YIPF2: variants seen among roughly 807,000 people sequenced by gnomAD.
The protein encoded by YIPF2 is Yip1 domain family member 2, also known as protein YIPF2.
A neutral mutation model predicts 38.8 loss-of-function variants in YIPF2; 30 were observed. The observed-to-expected ratio is 0.77, with a 90% CI of 0.58 to 1.05. YIPF2 has a LOEUF of 1.05. Among genes scored for constraint, YIPF2 ranks in the 50% least tolerant of loss-of-function variants. The probability of loss-of-function intolerance (pLI) is 0.00; values close to 1 mark genes in which losing one functional copy is unlikely to be tolerated. For missense variants in YIPF2, 401 were observed against 409.7 expected (o/e 0.98, Z 0.18); for synonymous variants, 194 against 183.8 (o/e 1.06, Z -0.45).
chr19:10,925,903 C>CTT, intron 4 of YIPF2, 130 bp from the exon 5 acceptor site: 8 of 635,732 alleles, frequency 1.3e-5, no homozygotes, highest in South Asian at 8.5e-5. Flanking sequence ...GCCTTTCCCT[C>CTT]TCTTTTTTTT....
intron 7 of YIPF2, 67 bp from the exon 8 acceptor site, chr19:10,923,744 C>A: frequency 6.3e-7 from 1 of 1,578,130 alleles, no homozygotes; most frequent in East Asian, 2.3e-5. Flanking sequence ...TGCACCAGGC[C>A]ACCCTCACCA....
chr19:10,928,231 G>T, intron 2 of YIPF2, 149 bp downstream of exon 2: 1 of 974,414 alleles, frequency 1.0e-6, no homozygotes, highest in Non-Finnish European at 1.4e-6. Context: ...CAGGGCGGGG[G>T]CGGGGTTCGA....
Position 10,927,789 on chromosome 19 carries a change from A to G in YIPF2, c.192+10T>C. On this transcript the variant is annotated intron_variant, in intron 3 of 9. Coordinates refer to ENST00000586748, the MANE Select transcript of YIPF2 (RefSeq NM_001321439.2). ...TGGGGGCTGCAAGGAGGCAGGACAC[A>G]GGGACTCACCGCGGCCTTGTCACTC... is the stretch of plus-strand genomic sequence containing the variant. 6.2e-7 allele frequency: 1 copy of G among 1,608,126 alleles called. No homozygotes were observed. Among genetic ancestry groups the G allele is most frequent in the Non-Finnish European group, 8.5e-7 (1 of 1,177,210 alleles).
At position 10,922,995 on chromosome 19, in the gene YIPF2, C is replaced by T. The variant is rs1033068961; in HGVS notation, c.*199G>A. On this transcript the variant is annotated 3_prime_UTR_variant, in exon 10 of 10. Transcript: ENST00000586748. ...CAGCCCTGTCCCAAAGCTCCCTGCT[C>T]GGCTGCCCCTCGCCCGCCTTTATAT... 2.9e-5 allele frequency: 8 copies of T among 278,492 alleles called. No individual in the cohort carries two copies. The highest frequency in any genetic ancestry group is 1.7e-4 in the Admixed American group (3 of 17,976). 17.3% of individuals were successfully genotyped at this position (278,492 alleles called of 1,614,324 possible). A position where few individuals can be genotyped will look rare whatever the true frequency, so the allele number is the denominator to read the frequency against.
chr19:10,924,548 C>T (rs2083388798), intron 5 of YIPF2, among the ~76,000 whole-genome samples: 1 of 152,158 alleles, frequency 6.6e-6, no homozygotes. Flanking sequence ...CTCCTTCAAG[C>T]CCAGGGCCTT....
intron 2 of YIPF2, 126 bp from the exon 3 acceptor site, chr19:10,928,085 G>C (rs1255789662): frequency 2.2e-6 from 3 of 1,371,754 alleles, no homozygotes; most frequent in Non-Finnish European, 3.0e-6. Context: ...CCCCAAGGTG[G>C]GGCCCAACTT....
rs2074288427 is a variant in YIPF2 at position 10,923,113 on chromosome 19, G to A, written c.*81C>T. The A allele has an allele frequency of 5.2e-6, 3 of 572,796 alleles. No individual in the cohort carries two copies. The highest frequency in any genetic ancestry group is 9.0e-6 in the Non-Finnish European group (3 of 333,242). 35.5% of individuals were successfully genotyped at this position (572,796 alleles called of 1,614,324 possible). On this transcript the variant is annotated 3_prime_UTR_variant, in exon 10 of 10. Coordinates refer to ENST00000586748, the MANE Select transcript of YIPF2 (RefSeq NM_001321439.2). ...GCAGAATCATCTCAAGGTGTCAAAG[G>A]AGCCTTCAGTCATCGTCTGGGGGGC...
At position 10,924,265 on chromosome 19, in the gene YIPF2, G is replaced by A. The variant is rs112837293; in HGVS notation, c.368-73C>T. ...ACAAGCAGACATGTATCCTGACTGA[G>A]CTGTGCTGAGACCCCAGCCTCTTCC... On this transcript the variant is annotated intron_variant, in intron 5 of 9. Transcript: ENST00000586748. The A allele has an allele frequency of 2.1e-3, 2,842 of 1,379,130 alleles. 36 individuals are homozygous for A. The African/African-American group carries it at 0.026, about 13-fold the overall frequency. 85.4% of individuals were successfully genotyped at this position (1,379,130 alleles called of 1,614,324 possible).
In YIPF2 at chr19:10,928,462, G is replaced by A. The variant is rs1048757464; in HGVS notation, c.-30-22C>T. 4 of 1,361,710 alleles carry A rather than the reference G, an allele frequency of 2.9e-6. No homozygotes were observed. The African/African-American group carries it at 6.1e-5, about 21-fold the overall frequency. The allele number at this position is 1,361,710 out of a possible 1,614,324, so 84.4% of individuals were successfully genotyped here. ...CTCGCTGAGGACAGAGACCGGTCAGGCACACTTCCCCCCCGCCCCCGAGCC... is the reference window on the plus strand; with the variant it reads ...CTCGCTGAGGACAGAGACCGGTCAGACACACTTCCCCCCCGCCCCCGAGCC... On this transcript the variant is annotated intron_variant, in intron 1 of 9. Coordinates refer to ENST00000586748, the MANE Select transcript of YIPF2 (RefSeq NM_001321439.2).
At chr19:10,927,477 A>C in intron 4 of YIPF2, 153 bp downstream of exon 4, 1 of 981,630 alleles carries the variant, frequency 1.0e-6, no homozygotes, top group Non-Finnish European at 1.5e-6. Flanking sequence ...GTGTTCCCAT[A>C]GTCCCGATCC....
chr19:10,925,724 A>C lies in YIPF2; in HGVS notation c.329T>G (p.Phe110Cys). The change falls in exon 5 of 10, where the codon TTT (phenylalanine) becomes TGT (cysteine). Residue 110 changes from phenylalanine to cysteine, a missense_variant. Transcript: ENST00000586748. Reference protein sequence around the residue: ...GSLLPRPGHNFVRHHLRNRPD... With the variant: ...GSLLPRPGHNCVRHHLRNRPD... ...CCGATTCCGCAGATGGTGCCGCACA[A>C]AGTTGTGGCCAGGCCGGGGCAGCAG... is the stretch of plus-strand genomic sequence containing the variant. 1 of 1,613,920 alleles carries C rather than the reference A, an allele frequency of 6.2e-7. No homozygotes were observed. Among genetic ancestry groups the C allele is most frequent in the Non-Finnish European group, 8.5e-7 (1 of 1,179,970 alleles).
At chr19:10,927,367 C>T (rs1011034304) in intron 4 of YIPF2, among the ~76,000 whole-genome samples, 3 of 152,158 alleles carry the variant, frequency 2.0e-5, no homozygotes, top group African/African-American at 4.8e-5. Flanking sequence ...CTTCCCTACC[C>T]TATTCCCCAG....
chr19:10,923,507 G>T lies in YIPF2; in HGVS notation c.822C>A (p.Ala274=). The T allele has an allele frequency of 6.2e-7, 1 of 1,612,782 alleles. No homozygotes were observed. Residue 274 remains alanine, a synonymous_variant, in exon 8 of 10, where the codon GCC becomes GCA. Coordinates refer to ENST00000586748, the MANE Select transcript of YIPF2 (RefSeq NM_001321439.2). ...SVVVLLHALL[A]MGCKLYFFQS... is the part of the protein sequence containing the mutation. Reference sequence around the variant, plus strand: ...CCCAGACCCGTACCTTACAGCCCATGGCCAGGAGGGCGTGGAGCAGCACGA... The same window carrying T: ...CCCAGACCCGTACCTTACAGCCCATTGCCAGGAGGGCGTGGAGCAGCACGA...
At chr19:10,925,930 ACAGAGT>A (rs2083418061) in intron 4 of YIPF2, among the ~76,000 whole-genome samples, 157 bp from the exon 5 acceptor site, 2 of 136,328 alleles carry the variant, frequency 1.5e-5, no homozygotes, top group South Asian at 4.6e-4. Flanking sequence ...TTTTTTTGAG[ACAGAGT>A]CTTGCTCTGT....
At position 10,923,178 on chromosome 19, in the gene YIPF2, A is replaced by C; in HGVS notation, c.*20-4T>G. 8.7e-7 allele frequency: 1 copy of C among 1,148,082 alleles called. No individual in the cohort carries two copies. The highest frequency in any genetic ancestry group is 2.5e-5 in the East Asian group (1 of 40,170). 71.1% of individuals were successfully genotyped at this position (1,148,082 alleles called of 1,614,324 possible). ...GGTTGGTCCACTTAGGTGTTGCCTG[A>C]AAGAAAGAATTGTCTGGGAGTGGCC... On this transcript the variant is annotated splice_region_variant and splice_polypyrimidine_tract_variant and intron_variant, in intron 9 of 9. Transcript: ENST00000586748.
At position 10,925,897 on chromosome 19, in the gene YIPF2, T is replaced by C. The variant is rs2083415912; in HGVS notation, c.280-124A>G. The C allele has an allele frequency of 1.1e-5, 9 of 792,440 alleles. 1 individual carries two copies. In the South Asian group the frequency reaches 1.7e-4, roughly 15 times the overall value. The allele number at this position is 792,440 out of a possible 1,614,324, so 49.1% of individuals were successfully genotyped here. On this transcript the variant is annotated intron_variant, in intron 4 of 9. Transcript: ENST00000586748. ...TGCCCCACCTGAAAGAACTCAGCCTTTCCCTCTCTTTTTTTTTTTTTTTTT... is the reference window on the plus strand; with the variant it reads ...TGCCCCACCTGAAAGAACTCAGCCTCTCCCTCTCTTTTTTTTTTTTTTTTT...
Position 10,923,309 on chromosome 19 carries a change from C to T in YIPF2, c.933G>A (p.Gln311=), listed in dbSNP as rs1568360972. Residue 311 remains glutamine, a synonymous_variant, in exon 9 of 10, where the codon CAG becomes CAA. Transcript: ENST00000586748. ...SNIALSPTLP[Q]SLAPS ...GGCCTTCCTAGGAGGGGGCCAGGGA[C>T]TGCGGCAAGGTAGGGGACAGCGCGA... 2.5e-6 allele frequency: 4 copies of T among 1,611,630 alleles called. No individual in the cohort carries two copies. Among genetic ancestry groups the T allele is most frequent in the Non-Finnish European group, 2.5e-6 (3 of 1,179,042 alleles).
chr19:10,923,208 AACCT>A, intron 9 of YIPF2, 34 bp from the exon 10 acceptor site: 1 of 1,391,762 alleles, frequency 7.2e-7, no homozygotes, highest in South Asian at 1.4e-5. Flanking sequence ...GTGGCCCCAG[AACCT>A]CTCGCCTTGA....
In YIPF2 at chr19:10,928,608, G is replaced by A. The variant is rs187092301; in HGVS notation, c.-128C>T. The A allele has an allele frequency of 3.6e-3, 3,207 of 900,468 alleles. 98 individuals are homozygous for A. In the Admixed American group the frequency reaches 0.065, roughly 18 times the overall value. 55.8% of individuals were successfully genotyped at this position (900,468 alleles called of 1,614,324 possible). On this transcript the variant is annotated 5_prime_UTR_variant, in exon 1 of 10. Transcript: ENST00000586748. ...ACCTGAGGCCACCTGGGCCGGCGTG[G>A]CTGGGGCTCTCTGCGCCTGCGCGTC...
Sources: gnomAD v4.1 joint callset for allele counts (sites outside exome capture counted in the v4.1 genomes callset) on GRCh38, gnomAD v4.1.1 for gene constraint, MANE v1.5 for transcripts, NCBI Gene and HGNC (gene_info 2026-07-23, HGNC 2026-07-21) for gene names.